Variants in FOXP1 observed in about 807,000 individuals in gnomAD.
FOXP1 encodes forkhead box protein P1.
A neutral mutation model predicts 98.2 loss-of-function variants in FOXP1; 15 were observed. The ratio of observed to expected loss-of-function variants is 0.15; its 90% CI spans 0.10 to 0.24. FOXP1 has a LOEUF of 0.24. Ranked by LOEUF, FOXP1 falls within the 10% of genes least tolerant of loss-of-function variation. The pLI is 1.00. For missense variants in FOXP1, 633 were observed against 848.5 expected, an observed-to-expected ratio of 0.75 and a Z score of 3.15; for synonymous variants, 371 against 314.5, an observed-to-expected ratio of 1.18 and a Z score of -1.90.
At chr3:71,422,681 T>A (rs2083754852) in intron 3 of FOXP1, among the ~76,000 whole-genome samples, 1 of 152,110 alleles carries the variant, frequency 6.6e-6, no homozygotes, top group Non-Finnish European at 1.5e-5. Context: ...TCCTTCCAAT[T>A]AAACAGAGAA....
intron 7 of FOXP1, among the ~76,000 whole-genome samples, chr3:71,055,135 C>A (rs933377194): frequency 6.6e-6 from 1 of 152,186 alleles, no homozygotes; most frequent in African/African-American, 2.4e-5. Flanking sequence ...TTTGTCCTGT[C>A]ATTTGCATAG....
At chr3:71,449,985 G>T (rs1373574811) in intron 3 of FOXP1, among the ~76,000 whole-genome samples, 1 of 152,140 alleles carries the variant, frequency 6.6e-6, no homozygotes, top group Non-Finnish European at 1.5e-5. Context: ...ACATGTCTAC[G>T]AATTGAGCAT....
chr3:71,353,309 G>A (rs935854921), intron 4 of FOXP1, among the ~76,000 whole-genome samples: 5 of 152,186 alleles, frequency 3.3e-5, no homozygotes, highest in African/African-American at 7.2e-5. Flanking sequence ...AGCATCCCGC[G>A]TAAACTGCCT....
rs555293204 is a variant in FOXP1 at position 70,962,781 on chromosome 3, G to A, written c.1889+3109C>T. Among the ~76,000 whole-genome samples, 91 of 152,226 alleles carry A rather than the reference G, an allele frequency of 6.0e-4. 2 individuals carry two copies. In the South Asian group the frequency reaches 0.018, roughly 31 times the overall value. On this transcript the variant is annotated intron_variant, in intron 20 of 20. Coordinates refer to ENST00000649528, the MANE Select transcript of FOXP1 (RefSeq NM_001349338.3). ...AATGTAAGATCATACAAGACCTTGGGGAGGGGGAAGGAGGATGAGGACCCC... is the reference window on the plus strand; with the variant it reads ...AATGTAAGATCATACAAGACCTTGGAGAGGGGGAAGGAGGATGAGGACCCC...
intron 3 of FOXP1, among the ~76,000 whole-genome samples, chr3:71,461,063 T>G (rs1048038569): frequency 2.3e-4 from 35 of 152,284 alleles, no homozygotes; most frequent in African/African-American, 7.2e-4. Flanking sequence ...TTTTTGTTTG[T>G]TTGGTTGTAG....
At chr3:71,199,089 G>C (rs572604250) in intron 5 of FOXP1, among the ~76,000 whole-genome samples, 1 of 149,034 alleles carries the variant, frequency 6.7e-6, no homozygotes, top group Admixed American at 6.8e-5. Flanking sequence ...ACATGTGCAG[G>C]CACTATTTGT....
intron 2 of FOXP1, among the ~76,000 whole-genome samples, chr3:71,496,092 A>T (rs1172898729): frequency 6.6e-6 from 1 of 152,208 alleles, no homozygotes; most frequent in African/African-American, 2.4e-5. Flanking sequence ...TATTTAGTAA[A>T]ATTCCAGAAT....
chr3:71,428,993 A>G (rs1023767233), intron 3 of FOXP1, among the ~76,000 whole-genome samples: 2 of 152,192 alleles, frequency 1.3e-5, no homozygotes, highest in Non-Finnish European at 2.9e-5. Flanking sequence ...AACTCCCTGG[A>G]CTAGTGCCGA....
chr3:71,505,739 T>C (rs971100270), intron 2 of FOXP1, among the ~76,000 whole-genome samples: 7 of 152,196 alleles, frequency 4.6e-5, no homozygotes, highest in Admixed American at 4.6e-4. Context: ...AGAGGGATGC[T>C]TTCTATTCTT....
intron 6 of FOXP1, among the ~76,000 whole-genome samples, chr3:71,193,100 A>G (rs756893487): frequency 4.6e-5 from 7 of 151,946 alleles, no homozygotes; most frequent in Non-Finnish European, 8.8e-5. Flanking sequence ...TTCCTCTGGC[A>G]CTGTATTTTC....
At chr3:71,175,565 T>C (rs993371522) in intron 6 of FOXP1, among the ~76,000 whole-genome samples, 5 of 152,226 alleles carry the variant, frequency 3.3e-5, no homozygotes, top group African/African-American at 1.2e-4. Flanking sequence ...TGATCCTCTG[T>C]AGCCTAGTTA....
At position 70,956,943 on chromosome 3, in the gene FOXP1, A is replaced by G. The variant is rs1309142891; in HGVS notation, c.*2304T>C. On this transcript the variant is annotated 3_prime_UTR_variant, in exon 21 of 21. Coordinates refer to ENST00000649528, the MANE Select transcript of FOXP1 (RefSeq NM_001349338.3). ...AATCGGAAAAAAAGGAAAAATTAAAAATAAAAACAAACTGAAGGATATATG... is the reference window on the plus strand; with the variant it reads ...AATCGGAAAAAAAGGAAAAATTAAAGATAAAAACAAACTGAAGGATATATG... 4.6e-6 allele frequency: 1 copy of G among 216,592 alleles called. No individual in the cohort carries two copies. The highest frequency in any genetic ancestry group is 2.3e-5 in the African/African-American group (1 of 44,408). The allele number at this position is 216,592 out of a possible 1,614,324, so 13.4% of individuals were successfully genotyped here. A position where few individuals can be genotyped will look rare whatever the true frequency, so the allele number is the denominator to read the frequency against.
intron 2 of FOXP1, chr3:71,580,853 T>A (rs986718149): frequency 1.1e-4 from 108 of 985,282 alleles, no homozygotes; most frequent in Non-Finnish European, 1.1e-4. Flanking sequence ...AATGTACAGA[T>A]GCCTTTCAAA....
At chr3:71,061,476 A>G (rs983138915) in intron 7 of FOXP1, among the ~76,000 whole-genome samples, 3 of 152,196 alleles carry the variant, frequency 2.0e-5, no homozygotes, top group African/African-American at 7.2e-5. Context: ...TGCAGCAGTT[A>G]AAACTATCTA....
rs543517301 is a variant in FOXP1, at chr3:71,071,456, G to A, written c.283-17683C>T. On this transcript the variant is annotated intron_variant, in intron 7 of 20. Transcript: ENST00000649528. ...GTACAGGAGTACTACATATGACTTA[G>A]GATTCTATTAATGACTTTGTCAGGA... Among the ~76,000 whole-genome samples the A allele has an allele frequency of 5.3e-5, 8 of 152,304 alleles. No homozygotes were observed. The East Asian group carries it at 5.8e-4, about 11-fold the overall frequency.
intron 5 of FOXP1, among the ~76,000 whole-genome samples, chr3:71,211,064 T>TA (rs907962119): frequency 9.2e-5 from 14 of 152,330 alleles, no homozygotes; most frequent in African/African-American, 3.4e-4. Context: ...CCTGGGCATA[T>TA]AATCATTGCT....
intron 11 of FOXP1, among the ~76,000 whole-genome samples, chr3:71,028,086 A>C (rs1039101111): frequency 2.0e-5 from 3 of 152,202 alleles, no homozygotes; most frequent in Non-Finnish European, 4.4e-5. Context: ...CACACACACA[A>C]AAAATCTAGG....
In FOXP1 at chr3:70,956,488, TG is replaced by T. The variant is rs1365028682; in HGVS notation, c.*2758del. The T allele has an allele frequency of 5.7e-5, 13 of 227,242 alleles. No homozygotes were observed. The highest frequency in any genetic ancestry group is 4.6e-4 in the Admixed American group (8 of 17,218). The allele number at this position is 227,242 out of a possible 1,614,324, so 14.1% of individuals were successfully genotyped here. A position where few individuals can be genotyped will look rare whatever the true frequency, so the allele number is the denominator to read the frequency against. Reference sequence around the variant, plus strand: ...TACGACTAAGTGCAACTGAGTGAAATGTTTTTTTTTTAAATTTTAATCATTC... The same window carrying T: ...TACGACTAAGTGCAACTGAGTGAAATTTTTTTTTTTAAATTTTAATCATTC... On this transcript the variant is annotated 3_prime_UTR_variant, in exon 21 of 21. Transcript: ENST00000649528.
intron 3 of FOXP1, among the ~76,000 whole-genome samples, chr3:71,489,646 G>C (rs1168186129): frequency 6.6e-6 from 1 of 152,172 alleles, no homozygotes; most frequent in Non-Finnish European, 1.5e-5. Context: ...CAGGAAACAG[G>C]AGCCAACTCT....
Sources: gnomAD v4.1 joint callset for allele counts (sites outside exome capture counted in the v4.1 genomes callset) on GRCh38, gnomAD v4.1.1 for gene constraint, MANE v1.5 for transcripts, NCBI Gene and HGNC (gene_info 2026-07-23, HGNC 2026-07-21) for gene names.